The following SORBS2 variants were observed in gnomAD, a reference collection of about 807,000 sequenced individuals.
SORBS2 encodes sorbin and SH3 domain-containing protein 2.
A neutral mutation model predicts 97.7 loss-of-function variants in SORBS2; 46 were observed. The observed-to-expected ratio is 0.47, with a 90% CI of 0.37 to 0.60. The LOEUF (loss-of-function observed/expected upper bound fraction) is 0.60. SORBS2 is among the 20% of genes least tolerant of loss of function. The probability of loss-of-function intolerance (pLI) is 0.00; values close to 1 mark genes in which losing one functional copy is unlikely to be tolerated. For missense variants in SORBS2, 1,316 were observed against 1,282.3 expected (o/e 1.03, Z -0.40); for synonymous variants, 476 against 473.4 (o/e 1.01, Z -0.07).
At chr4:185,786,719 T>C (rs2099057656) in intron 1 of SORBS2, among the ~76,000 whole-genome samples, 1 of 152,196 alleles carries the variant, frequency 6.6e-6, no homozygotes, top group Admixed American at 6.5e-5. Context: ...CCCAGCATTT[T>C]GGGAGGCCGG....
intron 2 of SORBS2, among the ~76,000 whole-genome samples, chr4:185,728,447 A>C (rs375960819): frequency 1.1e-4 from 16 of 152,106 alleles, no homozygotes; most frequent in African/African-American, 3.6e-4. Context: ...GATGGCTCTT[A>C]TCTCTTATGC....
rs201078457 is a variant in SORBS2 at position 185,662,144 on chromosome 4, T to C, written c.54A>G (p.Ser18=). The C allele has an allele frequency of 1.2e-5, 19 of 1,613,984 alleles. No homozygotes were observed. In the South Asian group the frequency reaches 1.8e-4, roughly 15 times the overall value. Reference sequence around the variant, plus strand: ...GCTGCATGACAATGCTGGAGTTGAGTGAGGCTGGGAGAGAATATGCCGAGG... The same window carrying C: ...GCTGCATGACAATGCTGGAGTTGAGCGAGGCTGGGAGAGAATATGCCGAGG... The change falls in exon 5 of 21, where the codon TCA becomes TCG. Residue 18 remains serine, a synonymous_variant. Transcript: ENST00000284776.
At chr4:185,701,376 A>C (rs755028259) in intron 2 of SORBS2, among the ~76,000 whole-genome samples, 1 of 152,220 alleles carries the variant, frequency 6.6e-6, no homozygotes, top group South Asian at 2.1e-4. Context: ...CCTGGGACTC[A>C]GCCTGTTCTC....
At chr4:185,701,931 C>T (rs772951660) in intron 2 of SORBS2, among the ~76,000 whole-genome samples, 1 of 152,184 alleles carries the variant, frequency 6.6e-6, no homozygotes, top group East Asian at 1.9e-4. Flanking sequence ...CCAGCACGCC[C>T]AGCTAATTTT....
chr4:185,755,724 A>T (rs767587501), intron 2 of SORBS2, among the ~76,000 whole-genome samples: 1 of 152,226 alleles, frequency 6.6e-6, no homozygotes, highest in African/African-American at 2.4e-5. Flanking sequence ...AGACTCTCTT[A>T]TCACTCAGCA....
chr4:185,725,908 G>T (rs951864585), intron 2 of SORBS2, among the ~76,000 whole-genome samples: 1 of 152,020 alleles, frequency 6.6e-6, no homozygotes, highest in Non-Finnish European at 1.5e-5. Flanking sequence ...TAATTTTCAA[G>T]AATTTATTTT....
chr4:185,718,210 G>T (rs2098482135), intron 2 of SORBS2, among the ~76,000 whole-genome samples: 1 of 151,752 alleles, frequency 6.6e-6, no homozygotes, highest in Non-Finnish European at 1.5e-5. Flanking sequence ...CAGCCTGGGT[G>T]TCAGAGTGTC....
At chr4:185,827,191 A>G (rs2099200839) in intron 1 of SORBS2, among the ~76,000 whole-genome samples, 1 of 103,772 alleles carries the variant, frequency 9.6e-6, no homozygotes, top group African/African-American at 3.7e-5. Context: ...AATCACCATC[A>G]TCATCATCAT....
rs372573823 is a variant in SORBS2 at position 185,806,559 on chromosome 4, G to C, written c.-337-31193C>G. On this transcript the variant is annotated intron_variant, in intron 1 of 20. Transcript: ENST00000284776. ...TGCAAGCTCCTCCTCCCGGGTTCAC[G>C]CCATTCTCCTGCCTCAGCCTCCCGA... Among the ~76,000 whole-genome samples, 9 of 144,180 alleles carry C rather than the reference G, an allele frequency of 6.2e-5. 1 individual carries two copies. In the South Asian group the frequency reaches 1.9e-3, roughly 30 times the overall value. The allele number at this position is 144,180 out of a possible 152,430, so 94.6% of individuals were successfully genotyped here.
At chr4:185,671,479 G>A (rs181405711) in intron 4 of SORBS2, among the ~76,000 whole-genome samples, 1 of 152,278 alleles carries the variant, frequency 6.6e-6, no homozygotes, top group East Asian at 1.9e-4. Context: ...GTTCCTTCAT[G>A]TGTAAAATAT....
At chr4:185,851,366 T>C (rs534631710) in intron 1 of SORBS2, among the ~76,000 whole-genome samples, 193 of 152,290 alleles carry the variant, frequency 1.3e-3, no homozygotes, top group Non-Finnish European at 2.2e-3. Flanking sequence ...TCCATATTCT[T>C]TTACGTTCCT....
intron 1 of SORBS2, among the ~76,000 whole-genome samples, chr4:185,950,468 T>C (rs915633846): frequency 4.6e-5 from 7 of 152,108 alleles, no homozygotes; most frequent in African/African-American, 1.7e-4. Context: ...CCAGAGTGGG[T>C]TAGAGAACCT....
intron 1 of SORBS2, among the ~76,000 whole-genome samples, chr4:185,865,780 G>A (rs1189318146): frequency 6.6e-6 from 1 of 152,182 alleles, no homozygotes; most frequent in Non-Finnish European, 1.5e-5. Flanking sequence ...TGGCACCATC[G>A]GGTTTTAAAG....
rs980142932 is a variant in SORBS2, at chr4:185,606,839, G to T, written c.2796+4941C>A. 5 of 985,262 alleles carry T rather than the reference G, an allele frequency of 5.1e-6. No homozygotes were observed. In the African/African-American group the frequency reaches 5.2e-5, roughly 10 times the overall value. 61.0% of individuals were successfully genotyped at this position (985,262 alleles called of 1,614,324 possible). On this transcript the variant is annotated intron_variant, in intron 12 of 14. Transcript: ENST00000418609. The surrounding 1 kb of genome is among the most constrained non-coding windows in gnomAD (Gnocchi z 4.3). ...TCTTCCTCTCCAATGACCGGAAGGG[G>T]TACAGGCAAGGAACCCACGCTGGTG...
chr4:185,731,856 CTCTCTCTCTCTATATA>C (rs1420915825), intron 2 of SORBS2, among the ~76,000 whole-genome samples: 6 of 35,304 alleles, frequency 1.7e-4, no homozygotes, highest in African/African-American at 5.8e-4. Flanking sequence ...CTCTCTCTCT[CTCTCTCTCTCTATATA>C]TATATATATA....
intron 1 of SORBS2, among the ~76,000 whole-genome samples, chr4:185,910,946 G>A (rs10034140): frequency 0.46 from 69,740 of 151,340 alleles, 16,453 homozygotes; most frequent in Middle Eastern, 0.53. Flanking sequence ...TATACAATGC[G>A]GTGTTTGATT....
At chr4:185,737,834 G>C (rs2098697657) in intron 2 of SORBS2, among the ~76,000 whole-genome samples, 1 of 152,228 alleles carries the variant, frequency 6.6e-6, no homozygotes, top group South Asian at 2.1e-4. Flanking sequence ...ACAGTGCAGT[G>C]AAGCTTCCTG....
intron 2 of SORBS2, among the ~76,000 whole-genome samples, chr4:185,696,899 G>T (rs1447730155): frequency 6.6e-6 from 1 of 152,132 alleles, no homozygotes; most frequent in Admixed American, 6.5e-5. Flanking sequence ...CTTATAATGT[G>T]CAAATCAAAA....
At chr4:185,936,166 A>G (rs969206876) in intron 1 of SORBS2, among the ~76,000 whole-genome samples, 1 of 152,238 alleles carries the variant, frequency 6.6e-6, no homozygotes, top group African/African-American at 2.4e-5. Flanking sequence ...GCCAACGGTA[A>G]GTTTTCAATG....
Sources: allele counts gnomAD v4.1 joint callset (sites outside exome capture counted in the v4.1 genomes callset), GRCh38; gene constraint gnomAD v4.1.1; non-coding constraint Gnocchi (gnomAD v3.1); transcripts MANE v1.5; gene names NCBI Gene and HGNC (gene_info 2026-07-23, HGNC 2026-07-21).